Variants in ITIH5 observed in about 807,000 individuals in gnomAD.
The protein encoded by ITIH5 is inter-alpha-trypsin inhibitor heavy chain H5.
In ITIH5, 65 loss-of-function variants were observed where a neutral mutation model predicts 77.5. The observed-to-expected ratio is 0.84, with a 90% CI of 0.69 to 1.03. The LOEUF (loss-of-function observed/expected upper bound fraction) is 1.03, where lower values mean the gene tolerates loss of function less well. ITIH5 is among the 50% of genes least tolerant of loss of function. The probability of loss-of-function intolerance (pLI) is 0.00; values close to 1 mark genes in which losing one functional copy is unlikely to be tolerated. For synonymous variants in ITIH5, 525 were observed against 494.3 expected (o/e 1.06, Z -0.82); for missense variants, 1,208 against 1,213.1 (o/e 1.00, Z 0.06).
chr10:7,583,704 A>AT (rs1175954584), intron 8 of ITIH5, among the ~76,000 whole-genome samples: 1 of 152,214 alleles, frequency 6.6e-6, no homozygotes, highest in Admixed American at 6.5e-5. Flanking sequence ...ATGAACTGGC[A>AT]TTTTTTTCTC....
chr10:7,574,017 A>G (rs1340133783), intron 10 of ITIH5, among the ~76,000 whole-genome samples: 1 of 152,218 alleles, frequency 6.6e-6, no homozygotes, highest in East Asian at 1.9e-4. Context: ...TGTTCACAAC[A>G]AAAACAAAAA....
chr10:7,586,306 G>A (rs1001451049), intron 7 of ITIH5, among the ~76,000 whole-genome samples: 6 of 152,094 alleles, frequency 3.9e-5, no homozygotes, highest in East Asian at 3.8e-4. Flanking sequence ...ATCCCGCCAC[G>A]GTACTTCGGG....
At chr10:7,638,870 C>G (rs1380496832) in intron 4 of ITIH5, among the ~76,000 whole-genome samples, 2 of 152,186 alleles carry the variant, frequency 1.3e-5, no homozygotes, top group Non-Finnish European at 2.9e-5. Context: ...GGCCAGATAT[C>G]AGGAGTGATA....
chr10:7,648,711 ATGG>A (rs1564280164), intron 2 of ITIH5, among the ~76,000 whole-genome samples: 1 of 152,178 alleles, frequency 6.6e-6, no homozygotes, highest in Non-Finnish European at 1.5e-5. Flanking sequence ...TTTTAATGTC[ATGG>A]TGATTTGTTC....
intron 5 of ITIH5, chr10:7,619,765 A>T (rs1470048446): frequency 5.7e-6 from 1 of 174,936 alleles, no homozygotes; most frequent in Admixed American, 5.7e-5. Context: ...ATTCACCTCC[A>T]TGGTCCAATC....
intron 7 of ITIH5, among the ~76,000 whole-genome samples, chr10:7,612,065 C>T: frequency 6.6e-6 from 1 of 152,088 alleles, no homozygotes; most frequent in Middle Eastern, 3.4e-3. Context: ...TGTACCAAAC[C>T]CACAAATGAA....
chr10:7,584,406 C>A (rs1215652054), intron 8 of ITIH5, among the ~76,000 whole-genome samples: 1 of 151,268 alleles, frequency 6.6e-6, no homozygotes, highest in African/African-American at 2.4e-5. Context: ...CAGGTTCAAG[C>A]AATTCTCCTG....
rs1564227738 is a variant in ITIH5, at chr10:7,560,797, A to G, written c.*2286T>C. On this transcript the variant is annotated 3_prime_UTR_variant, in exon 14 of 14. Coordinates refer to ENST00000397146, the MANE Select transcript of ITIH5 (RefSeq NM_030569.7). ...GTTTATAAATGCTCAAGGAAAATAAATGATTGCCCAGATGGTGAAACAGGG... is the reference window on the plus strand; with the variant it reads ...GTTTATAAATGCTCAAGGAAAATAAGTGATTGCCCAGATGGTGAAACAGGG... 1 of 152,186 alleles carries G rather than the reference A, an allele frequency of 6.6e-6. No homozygotes were observed. The highest frequency in any genetic ancestry group is 1.5e-5 in the Non-Finnish European group (1 of 68,034). 9.4% of individuals were successfully genotyped at this position (152,186 alleles called of 1,614,324 possible).
rs1832015026 is a variant in ITIH5 at position 7,560,153 on chromosome 10, T to G, written c.*2930A>C. ...GTGTGAGCCACTGCACCTGGCCCCA[T>G]GTCTCTTCTTATAAGGGCCTTAATC... On this transcript the variant is annotated 3_prime_UTR_variant, in exon 14 of 14. Coordinates refer to ENST00000397146, the MANE Select transcript of ITIH5 (RefSeq NM_030569.7). 4.6e-6 allele frequency: 1 copy of G among 217,910 alleles called. No homozygotes were observed. The highest frequency in any genetic ancestry group is 7.5e-5 in the South Asian group (1 of 13,406). 13.5% of individuals were successfully genotyped at this position (217,910 alleles called of 1,614,324 possible).
At chr10:7,640,029 T>G (rs1474034076) in intron 4 of ITIH5, among the ~76,000 whole-genome samples, 2 of 151,760 alleles carry the variant, frequency 1.3e-5, no homozygotes, top group African/African-American at 4.8e-5. Flanking sequence ...GTAGGAGTAT[T>G]GTTAATTTGC....
rs1204808508 is a variant in ITIH5 at position 7,560,033 on chromosome 10, G to A, written c.*3050C>T. 2.9e-6 allele frequency: 1 copy of A among 346,000 alleles called. No individual in the cohort carries two copies. Among genetic ancestry groups the A allele is most frequent in the Non-Finnish European group, 5.6e-6 (1 of 177,942 alleles). The allele number at this position is 346,000 out of a possible 1,614,324, so 21.4% of individuals were successfully genotyped here. On this transcript the variant is annotated 3_prime_UTR_variant, in exon 14 of 14. Transcript: ENST00000397146. The stretch of plus-strand genomic sequence containing the variant: ...CGCCCAGCTAATTTTTGTATTTTTA[G>A]TAGAGACGAGGTTTCACCATGTTGG...
At chr10:7,640,651 G>A in intron 4 of ITIH5, 103 bp downstream of exon 4, 1 of 699,918 alleles carries the variant, frequency 1.4e-6, no homozygotes, top group Non-Finnish European at 2.5e-6. Flanking sequence ...AAAGAGAAAA[G>A]TATTTGGAGG....
intron 12 of ITIH5, among the ~76,000 whole-genome samples, chr10:7,567,971 T>C (rs1054766224): frequency 2.6e-5 from 4 of 152,348 alleles, no homozygotes; most frequent in Admixed American, 2.0e-4. Flanking sequence ...GAAGGTAGCA[T>C]GTGTGTAAGT....
intron 7 of ITIH5, among the ~76,000 whole-genome samples, chr10:7,601,247 A>C (rs1047471170): frequency 2.0e-5 from 3 of 152,338 alleles, no homozygotes; most frequent in Non-Finnish European, 4.4e-5. Flanking sequence ...TCAAAGGAAC[A>C]GTGTCTAAAA....
chr10:7,612,658 GT>G (rs71383926), intron 7 of ITIH5, among the ~76,000 whole-genome samples: 24,340 of 136,864 alleles, frequency 0.18, 1,999 homozygotes, highest in Non-Finnish European at 0.21. Context: ...AAAAAGCTGT[GT>G]TTTTTTTTTT....
chr10:7,581,967 CTG>C (rs1051071596), intron 8 of ITIH5, among the ~76,000 whole-genome samples: 3 of 149,360 alleles, frequency 2.0e-5, no homozygotes, highest in African/African-American at 7.4e-5. Flanking sequence ...CCTCTGCCTC[CTG>C]TGTTCAAGCA....
intron 7 of ITIH5, among the ~76,000 whole-genome samples, chr10:7,600,982 C>T (rs1261305010): frequency 6.6e-6 from 1 of 152,200 alleles, no homozygotes; most frequent in Non-Finnish European, 1.5e-5. Context: ...ATAAGCTACT[C>T]AGTCTATGGC....
chr10:7,580,620 T>C lies in ITIH5; in HGVS notation c.1109-556A>G. ...TTAGCTTACCTGAGCTTCAATGGCTTCTGTGCCCTCTTCTGAGAATGGCTT... is the reference window on the plus strand; with the variant it reads ...TTAGCTTACCTGAGCTTCAATGGCTCCTGTGCCCTCTTCTGAGAATGGCTT... On this transcript the variant is annotated intron_variant, in intron 8 of 13. Transcript: ENST00000397146. 1.3e-5 allele frequency among the ~76,000 whole-genome samples: 2 copies of C among 152,216 alleles called. 1 individual carries two copies.
intron 7 of ITIH5, among the ~76,000 whole-genome samples, chr10:7,587,604 G>C (rs949060047): frequency 6.6e-6 from 1 of 152,170 alleles, no homozygotes; most frequent in African/African-American, 2.4e-5. Flanking sequence ...AATCAGGACA[G>C]TAATAGTACC....
Sources: allele counts gnomAD v4.1 joint callset (sites outside exome capture counted in the v4.1 genomes callset), GRCh38; gene constraint gnomAD v4.1.1; transcripts MANE v1.5; gene names NCBI Gene and HGNC (gene_info 2026-07-23, HGNC 2026-07-21).